The following SLC1A2 variants were observed in gnomAD, a reference collection of about 807,000 sequenced individuals.
The protein encoded by SLC1A2 is excitatory amino acid transporter 2.
A neutral mutation model predicts 48.8 loss-of-function variants in SLC1A2; 15 were observed. The observed-to-expected ratio is 0.31, with a 90% CI of 0.21 to 0.47. The LOEUF (loss-of-function observed/expected upper bound fraction) is 0.47, where lower values mean the gene tolerates loss of function less well. SLC1A2 is among the 20% of genes least tolerant of loss of function. SLC1A2 has a pLI of 0.99. For synonymous variants in SLC1A2, 279 were observed against 272.6 expected, an observed-to-expected ratio of 1.02 and a Z score of -0.23; for missense variants, 502 against 730.5, an observed-to-expected ratio of 0.69 and a Z score of 3.61.
At chr11:35,340,849 G>GTT (rs970755470) in intron 1 of SLC1A2, among the ~76,000 whole-genome samples, 9 of 152,304 alleles carry the variant, frequency 5.9e-5, no homozygotes, top group African/African-American at 1.9e-4. Flanking sequence ...TATGTAACAA[G>GTT]TTACATAAGG....
chr11:35,371,120 A>G (rs1025558218), intron 1 of SLC1A2: 4 of 977,192 alleles, frequency 4.1e-6, no homozygotes, highest in Non-Finnish European at 2.4e-6. Flanking sequence ...GGCTACCCTC[A>G]GTGAGAACCC....
intron 7 of SLC1A2, among the ~76,000 whole-genome samples, chr11:35,290,278 C>T (rs1338532833): frequency 6.6e-6 from 1 of 152,098 alleles, no homozygotes; most frequent in African/African-American, 2.4e-5. Context: ...TGTCACAGCC[C>T]TGTTTAATAG....
At chr11:35,282,633 T>A (rs1405140990) in intron 8 of SLC1A2, among the ~76,000 whole-genome samples, 9 of 152,272 alleles carry the variant, frequency 5.9e-5, no homozygotes, top group African/African-American at 2.2e-4. Flanking sequence ...CTCAACTGTT[T>A]CCCAAACAGA....
chr11:35,296,233 G>A (rs1851169849), intron 6 of SLC1A2, among the ~76,000 whole-genome samples: 1 of 152,192 alleles, frequency 6.6e-6, no homozygotes, highest in Non-Finnish European at 1.5e-5. Context: ...TGGAGTGGAG[G>A]TAAGCTGAGG....
intron 1 of SLC1A2, among the ~76,000 whole-genome samples, chr11:35,407,077 G>C (rs1855320576): frequency 6.7e-6 from 1 of 150,278 alleles, no homozygotes; most frequent in Admixed American, 6.6e-5. Context: ...GGACTTAAAA[G>C]GTAAATCTTA....
intron 1 of SLC1A2, among the ~76,000 whole-genome samples, chr11:35,363,459 G>T (rs1026592411): frequency 6.6e-6 from 1 of 152,038 alleles, no homozygotes; most frequent in Non-Finnish European, 1.5e-5. Flanking sequence ...CTCATTGGAG[G>T]GTTTCAAACC....
intron 5 of SLC1A2, among the ~76,000 whole-genome samples, chr11:35,305,710 C>T (rs1016720719): frequency 4.6e-5 from 7 of 152,178 alleles, no homozygotes; most frequent in Non-Finnish European, 7.4e-5. Context: ...TACATGGGGG[C>T]AGCTTTTAAA....
chr11:35,371,218 T>G (rs990848994), intron 1 of SLC1A2: 10 of 264,390 alleles, frequency 3.8e-5, no homozygotes, highest in Non-Finnish European at 5.3e-5. Context: ...TTTCCCATTG[T>G]TTCATTTGCC....
intron 1 of SLC1A2, among the ~76,000 whole-genome samples, chr11:35,414,348 A>C (rs903383314): frequency 2.6e-5 from 4 of 152,164 alleles, no homozygotes; most frequent in African/African-American, 9.7e-5. Flanking sequence ...TTCTGACATC[A>C]TTTAAAGCCA....
rs910372992 is a variant in SLC1A2, at chr11:35,260,784, A to G, written c.*110T>C. On this transcript the variant is annotated 3_prime_UTR_variant, in exon 11 of 11. Coordinates refer to ENST00000278379, the MANE Select transcript of SLC1A2 (RefSeq NM_004171.4). ...AAGCCTCGGCTAACAGATTAAGTAA[A>G]CATAGAAATATACGCATTTTTTTCC... is the stretch of plus-strand genomic sequence containing the variant. The G allele has an allele frequency of 2.5e-6, 2 of 807,554 alleles. No homozygotes were observed. The highest frequency in any genetic ancestry group is 1.7e-5 in the African/African-American group (1 of 58,372). 50.0% of individuals were successfully genotyped at this position (807,554 alleles called of 1,614,324 possible). A position where few individuals can be genotyped will look rare whatever the true frequency, so the allele number is the denominator to read the frequency against.
chr11:35,284,230 C>G (rs1282589529), intron 8 of SLC1A2, among the ~76,000 whole-genome samples: 3 of 151,820 alleles, frequency 2.0e-5, no homozygotes, highest in Non-Finnish European at 4.4e-5. Flanking sequence ...CTGTTACAAA[C>G]AGCATGATTC....
chr11:35,290,095 T>A (rs1378231548), intron 7 of SLC1A2, among the ~76,000 whole-genome samples: 3 of 152,228 alleles, frequency 2.0e-5, no homozygotes, highest in African/African-American at 7.2e-5. Flanking sequence ...CAAGCAGGGA[T>A]GGGCACACCC....
intron 1 of SLC1A2, among the ~76,000 whole-genome samples, chr11:35,362,542 GATA>G (rs748661810): frequency 7.9e-5 from 12 of 152,100 alleles, no homozygotes; most frequent in Non-Finnish European, 1.2e-4. Context: ...TACAACAGAT[GATA>G]ATAATAATAA....
At chr11:35,298,430 A>T (rs1489135377) in intron 6 of SLC1A2, 25 of 152,150 alleles carry the variant, frequency 1.6e-4, no homozygotes, top group Non-Finnish European at 3.7e-4. Flanking sequence ...AAGAATTCTG[A>T]TTTTTTTAAG....
intron 1 of SLC1A2, among the ~76,000 whole-genome samples, chr11:35,406,959 T>C (rs899808993): frequency 6.6e-6 from 1 of 151,740 alleles, no homozygotes; most frequent in Non-Finnish European, 1.5e-5. Context: ...CAAGAGGAGA[T>C]TGGGATTAAA....
intron 9 of SLC1A2, among the ~76,000 whole-genome samples, chr11:35,268,820 C>A (rs1850182247): frequency 6.6e-6 from 1 of 152,112 alleles, no homozygotes; most frequent in Non-Finnish European, 1.5e-5. Flanking sequence ...CAAAGTCTGA[C>A]ATCCTAGTAA....
rs1232684347 is a variant in SLC1A2 at position 35,386,915 on chromosome 11, A to G, written c.17+32035T>C. Among the ~76,000 whole-genome samples, 5 of 152,196 alleles carry G rather than the reference A, an allele frequency of 3.3e-5. No homozygotes were observed. In the East Asian group the frequency reaches 7.7e-4, roughly 23 times the overall value. On this transcript the variant is annotated intron_variant, in intron 1 of 10. Transcript: ENST00000278379. ...CATTTTTAAAAAAGAACAAGGGGCA[A>G]AAATTTACATCTTTTTTCCCCCTTT...
At chr11:35,317,704 TC>T (rs1352079953) in intron 1 of SLC1A2, among the ~76,000 whole-genome samples, 188 bp from the exon 2 acceptor site, 1 of 152,112 alleles carries the variant, frequency 6.6e-6, no homozygotes, top group Non-Finnish European at 1.5e-5. Flanking sequence ...CTGATGTGGA[TC>T]CTCCCAGTAA....
chr11:35,269,584 T>G (rs1464941790), intron 9 of SLC1A2, among the ~76,000 whole-genome samples: 8 of 152,172 alleles, frequency 5.3e-5, no homozygotes, highest in Admixed American at 5.2e-4. Context: ...TTGACATAAG[T>G]TTACAAACGA....
Sources: gnomAD v4.1 joint callset for allele counts (sites outside exome capture counted in the v4.1 genomes callset) on GRCh38, gnomAD v4.1.1 for gene constraint, MANE v1.5 for transcripts, NCBI Gene and HGNC (gene_info 2026-07-23, HGNC 2026-07-21) for gene names.